PRKN: variants seen among roughly 807,000 people sequenced by gnomAD.
PRKN encodes E3 ubiquitin-protein ligase parkin.
Under a neutral mutation model 59.5 loss-of-function variants are expected in PRKN, and 56 were observed. The ratio of observed to expected loss-of-function variants is 0.94; its 90% CI spans 0.76 to 1.18. The LOEUF (loss-of-function observed/expected upper bound fraction) is 1.18, where lower values mean the gene tolerates loss of function less well. Among genes scored for constraint, PRKN ranks in the 50% most tolerant of loss-of-function variants. The pLI, the probability that PRKN is intolerant of heterozygous loss-of-function variation, is 0.00. For synonymous variants in PRKN, 250 were observed against 222.1 expected, an observed-to-expected ratio of 1.13 and a Z score of -1.12; for missense variants, 657 against 596.4, an observed-to-expected ratio of 1.10 and a Z score of -1.06.
intron 7 of PRKN, among the ~76,000 whole-genome samples, chr6:161,779,807 C>T (rs1025704254): frequency 5.3e-5 from 8 of 151,970 alleles, no homozygotes; most frequent in South Asian, 2.1e-4. Flanking sequence ...GTTCTATGCT[C>T]CACGAATCAA....
intron 6 of PRKN, among the ~76,000 whole-genome samples, chr6:161,810,641 T>C (rs1791521376): frequency 6.6e-6 from 1 of 152,196 alleles, no homozygotes; most frequent in South Asian, 2.1e-4. Context: ...AGTGACTACT[T>C]ATGTAACAGT....
chr6:162,137,685 A>AAG (rs1416790852), intron 4 of PRKN, among the ~76,000 whole-genome samples: 1 of 152,166 alleles, frequency 6.6e-6, no homozygotes, highest in Non-Finnish European at 1.5e-5. Context: ...GCAGAATGGC[A>AAG]AGAGAGAGCA....
chr6:161,791,147 T>C (rs1790622213), intron 6 of PRKN, among the ~76,000 whole-genome samples: 1 of 152,188 alleles, frequency 6.6e-6, no homozygotes, highest in Non-Finnish European at 1.5e-5. Context: ...AAAGGTTAAG[T>C]AAAGTTCTCA....
At chr6:161,613,286 G>C (rs886859910) in intron 7 of PRKN, among the ~76,000 whole-genome samples, 6 of 152,228 alleles carry the variant, frequency 3.9e-5, no homozygotes, top group Non-Finnish European at 8.8e-5. Context: ...TACAAGTGGA[G>C]CCTGAAGATG....
At chr6:161,988,951 T>C (rs528600162) in intron 5 of PRKN, among the ~76,000 whole-genome samples, 2 of 152,368 alleles carry the variant, frequency 1.3e-5, no homozygotes, top group African/African-American at 4.8e-5. Context: ...TTTATCTTTT[T>C]TTTATACTTT....
chr6:162,480,060 G>T (rs1283787545), intron 1 of PRKN, among the ~76,000 whole-genome samples: 1 of 115,372 alleles, frequency 8.7e-6, no homozygotes, highest in Admixed American at 8.8e-5. Flanking sequence ...GCAAGATTTT[G>T]TCTCAAAAAA....
chr6:161,586,907 T>C (rs1163338891), intron 7 of PRKN, among the ~76,000 whole-genome samples: 2 of 152,222 alleles, frequency 1.3e-5, no homozygotes, highest in Non-Finnish European at 2.9e-5. Flanking sequence ...GTGGCTAGTA[T>C]GGTCTAGACA....
At chr6:161,604,093 C>T (rs942073339) in intron 7 of PRKN, among the ~76,000 whole-genome samples, 2 of 152,162 alleles carry the variant, frequency 1.3e-5, no homozygotes, top group African/African-American at 2.4e-5. Flanking sequence ...GTTTATAAGC[C>T]ACCTGGTCTA....
At chr6:161,780,996 TC>T (rs1790181091) in intron 7 of PRKN, among the ~76,000 whole-genome samples, 1 of 152,206 alleles carries the variant, frequency 6.6e-6, no homozygotes, top group African/African-American at 2.4e-5. Flanking sequence ...CTATATTTTC[TC>T]ATGAGTGAGT....
At chr6:161,750,142 C>CACACACATAT (rs765990689) in intron 7 of PRKN, among the ~76,000 whole-genome samples, 75 of 137,034 alleles carry the variant, frequency 5.5e-4, no homozygotes, top group African/African-American at 8.1e-4. Flanking sequence ...CACACACACA[C>CACACACATAT]ATATATAAAT....
chr6:162,433,452 T>C (rs143434793), intron 2 of PRKN, among the ~76,000 whole-genome samples: 144 of 152,266 alleles, frequency 9.5e-4, no homozygotes, highest in Non-Finnish European at 1.7e-3. Context: ...TTCTCATTTA[T>C]ATATAGCAAT....
chr6:161,616,003 C>T (rs1335185076), intron 7 of PRKN, among the ~76,000 whole-genome samples: 2 of 152,254 alleles, frequency 1.3e-5, no homozygotes, highest in South Asian at 2.1e-4. Flanking sequence ...ACCAGGACTC[C>T]CTCAGGGTCT....
chr6:162,695,668 A>T lies in PRKN; in HGVS notation c.7+31994T>A, dbSNP rs189042883. ...ATCTACCCATACTGTATGTACACTTAAGTAGAAGAATGTACAAGTTCAGGG... is the reference window on the plus strand; with the variant it reads ...ATCTACCCATACTGTATGTACACTTTAGTAGAAGAATGTACAAGTTCAGGG... On this transcript the variant is annotated intron_variant, in intron 1 of 11. Coordinates refer to ENST00000366898, the MANE Select transcript of PRKN (RefSeq NM_004562.3). 1.5e-4 allele frequency among the ~76,000 whole-genome samples: 23 copies of T among 152,318 alleles called. No individual in the cohort carries two copies. The East Asian group carries it at 4.1e-3, about 27-fold the overall frequency.
intron 4 of PRKN, among the ~76,000 whole-genome samples, chr6:162,089,465 T>C (rs1246649631): frequency 2.0e-5 from 3 of 152,224 alleles, no homozygotes; most frequent in African/African-American, 7.2e-5. Flanking sequence ...AAAGGGAAAT[T>C]GGTACAGCCA....
chr6:161,426,805 GC>G (rs1788386288), intron 9 of PRKN, among the ~76,000 whole-genome samples: 1 of 151,732 alleles, frequency 6.6e-6, no homozygotes, highest in South Asian at 2.1e-4. Flanking sequence ...TGCAAGCTCT[GC>G]CTCCCAGGTT....
chr6:162,706,824 A>G (rs913034230), intron 1 of PRKN, among the ~76,000 whole-genome samples: 3 of 151,430 alleles, frequency 2.0e-5, no homozygotes, highest in Non-Finnish European at 1.5e-5. Context: ...ATATAGATCA[A>G]TGACTAAACA....
intron 9 of PRKN, among the ~76,000 whole-genome samples, chr6:161,431,270 A>G (rs758659246): frequency 2.6e-5 from 4 of 152,152 alleles, no homozygotes; most frequent in Non-Finnish European, 4.4e-5. Flanking sequence ...ATAAACCTTG[A>G]GCCACTGAAG....
rs371834369 is a variant in PRKN at position 162,109,806 on chromosome 6, C to A, written c.535-55632G>T. Among the ~76,000 whole-genome samples the A allele has an allele frequency of 6.0e-4, 91 of 152,298 alleles. 2 individuals are homozygous for A. The South Asian group carries it at 0.019, about 31-fold the overall frequency. On this transcript the variant is annotated intron_variant, in intron 4 of 11. Transcript: ENST00000366898. Reference sequence around the variant, plus strand: ...TTTATTTCATTTACCGCCTTCTCAGCTGTTTATGAGTCAAACTGTTTCCTG... The same window carrying A: ...TTTATTTCATTTACCGCCTTCTCAGATGTTTATGAGTCAAACTGTTTCCTG...
At chr6:161,411,920 C>T (rs1583033734) in intron 9 of PRKN, among the ~76,000 whole-genome samples, 1 of 149,190 alleles carries the variant, frequency 6.7e-6, no homozygotes, top group East Asian at 2.0e-4. Context: ...CATTCCTCCA[C>T]TCACTCACTC....
Sources: gnomAD v4.1 joint callset for allele counts (sites outside exome capture counted in the v4.1 genomes callset) on GRCh38, gnomAD v4.1.1 for gene constraint, MANE v1.5 for transcripts, NCBI Gene and HGNC (gene_info 2026-07-23, HGNC 2026-07-21) for gene names.